The following EGFLAM variants were observed in gnomAD, a reference collection of about 807,000 sequenced individuals.
EGFLAM encodes the protein EGF like, fibronectin type III and laminin G domains.
In EGFLAM, 79 loss-of-function variants were observed where a neutral mutation model predicts 113.1. That is an observed-to-expected ratio of 0.70 (90% confidence interval 0.58 to 0.84). The LOEUF is 0.84. EGFLAM is among the 40% of genes least tolerant of loss of function. The probability of loss-of-function intolerance (pLI) is 0.00; values close to 1 mark genes in which losing one functional copy is unlikely to be tolerated. For missense variants in EGFLAM, 1,265 were observed against 1,291.6 expected (o/e 0.98, Z 0.32); for synonymous variants, 504 against 487.6 (o/e 1.03, Z -0.44).
At chr5:38,270,087 C>T (rs1444449141) in intron 1 of EGFLAM, among the ~76,000 whole-genome samples, 1 of 152,194 alleles carries the variant, frequency 6.6e-6, no homozygotes, top group Non-Finnish European at 1.5e-5. Context: ...CCATGCGTGT[C>T]ATGGGACACT....
chr5:38,448,337 G>A lies in EGFLAM; in HGVS notation c.2501G>A (p.Gly834Asp), dbSNP rs781384321. The change falls in exon 18 of 22, where the codon GGC (glycine) becomes GAC (aspartate). Residue 834 changes from glycine to aspartate, a missense_variant. Coordinates refer to ENST00000322350, the MANE Select transcript of EGFLAM (RefSeq NM_152403.4). Reference sequence around the variant, plus strand: ...GCCATTGAGATCCCGCAGTTTATCGGCCGCAGTTACCTGACGTATGACAAC... The same window carrying A: ...GCCATTGAGATCCCGCAGTTTATCGACCGCAGTTACCTGACGTATGACAAC... ...IEAIEIPQFI[G>D]RSYLTYDNPD... is the part of the protein sequence containing the mutation. 1.2e-6 allele frequency: 2 copies of A among 1,614,116 alleles called. No homozygotes were observed. The highest frequency in any genetic ancestry group is 1.7e-6 in the Non-Finnish European group (2 of 1,180,022).
intron 1 of EGFLAM, among the ~76,000 whole-genome samples, chr5:38,315,772 A>G (rs1343126724): frequency 6.6e-6 from 1 of 152,128 alleles, no homozygotes; most frequent in Non-Finnish European, 1.5e-5. Flanking sequence ...ATGAGAATAT[A>G]TGTTTAAAAT....
At chr5:38,417,347 C>CAAAAAAAAAAAAAAAAAAAAAAAAA (rs752613827) in intron 11 of EGFLAM, among the ~76,000 whole-genome samples, 1 of 78,476 alleles carries the variant, frequency 1.3e-5, no homozygotes, top group African/African-American at 5.1e-5. Context: ...GACTCTGTCT[C>CAAAAAAAAAAAAAAAAAAAAAAAAA]AAAAAAAAAA....
In EGFLAM at chr5:38,412,539, G is replaced by A; in HGVS notation, c.1385G>A (p.Ser462Asn). The change falls in exon 11 of 22, where the codon AGT (serine) becomes AAT (asparagine). Residue 462 changes from serine to asparagine, a missense_variant. Physicochemically the swap from Ser to Asn is conservative, Grantham distance 46. Transcript: ENST00000322350. The part of the protein sequence containing the change: ...NCGTGVAIIV[S>N]ETKIKLGGWH... ...GGAACTGGGGTTGCCATCATCGTAAGTGAGACCAAAATCAAACTAGGGGGT... is the reference window on the plus strand; with the variant it reads ...GGAACTGGGGTTGCCATCATCGTAAATGAGACCAAAATCAAACTAGGGGGT... 1.9e-6 allele frequency: 3 copies of A among 1,614,160 alleles called. No individual in the cohort carries two copies. Among genetic ancestry groups the A allele is most frequent in the Middle Eastern group, 1.6e-4 (1 of 6,062 alleles).
chr5:38,258,821 G>A lies in EGFLAM; in HGVS notation c.67G>A (p.Val23Met). 6.2e-7 allele frequency: 1 copy of A among 1,612,160 alleles called. No homozygotes were observed. The highest frequency in any genetic ancestry group is 1.1e-5 in the South Asian group (1 of 91,024). Residue 23 changes from valine (V) to methionine (M), a missense_variant, in exon 1 of 22, where the codon GTG becomes ATG. Physicochemically the swap from Val to Met is conservative, Grantham distance 21 (BLOSUM62 1). Coordinates refer to ENST00000322350, the MANE Select transcript of EGFLAM (RefSeq NM_152403.4). ...GGCTTCCAGCCTCGGACCCGGCGCGGTGTCGCTCCGAGCGGCCATCCGAAA... is the reference window on the plus strand; with the variant it reads ...GGCTTCCAGCCTCGGACCCGGCGCGATGTCGCTCCGAGCGGCCATCCGAAA... ...LLASSLGPGA[V>M]SLRAAIRKPG... is the part of the protein sequence containing the mutation.
chr5:38,423,913 G>T (rs1741916271), intron 12 of EGFLAM, among the ~76,000 whole-genome samples: 2 of 152,256 alleles, frequency 1.3e-5, no homozygotes, highest in South Asian at 4.2e-4. Flanking sequence ...TTCAAGGAGG[G>T]AAGGGTGAGA....
At chr5:38,374,985 A>T (rs963405323) in intron 6 of EGFLAM, among the ~76,000 whole-genome samples, 1 of 147,870 alleles carries the variant, frequency 6.8e-6, no homozygotes, top group African/African-American at 2.5e-5. Context: ...TAGATTCTGG[A>T]TATTAGTTCT....
intron 1 of EGFLAM, among the ~76,000 whole-genome samples, chr5:38,324,746 G>A (rs1244351452): frequency 2.0e-5 from 3 of 152,118 alleles, no homozygotes; most frequent in Non-Finnish European, 2.9e-5. Context: ...TCTTAGGCTC[G>A]GGGGAAGGCA....
intron 6 of EGFLAM, among the ~76,000 whole-genome samples, chr5:38,370,843 G>T (rs780246283): frequency 2.0e-5 from 3 of 152,154 alleles, no homozygotes; most frequent in African/African-American, 7.2e-5. Context: ...AGGCTTCAGC[G>T]TTCGTGTTCG....
At chr5:38,386,089 T>A (rs1740654064) in intron 6 of EGFLAM, among the ~76,000 whole-genome samples, 3 of 152,260 alleles carry the variant, frequency 2.0e-5, no homozygotes, top group South Asian at 4.1e-4. Flanking sequence ...CCTACCATTG[T>A]ACATGGGTTC....
intron 1 of EGFLAM, chr5:38,305,538 C>A: frequency 4.6e-6 from 2 of 434,860 alleles, no homozygotes; most frequent in South Asian, 3.4e-5. Context: ...ATAAGAAGTC[C>A]CCAGAATAAT....
chr5:38,426,964 G>C, intron 13 of EGFLAM, 45 bp from the exon 14 acceptor site: 1 of 1,605,316 alleles, frequency 6.2e-7, no homozygotes, highest in South Asian at 1.1e-5. Context: ...CATCTGGCCA[G>C]TTTCTGCCAC....
At chr5:38,444,813 C>T (rs367917385) in intron 17 of EGFLAM, among the ~76,000 whole-genome samples, 4 of 152,082 alleles carry the variant, frequency 2.6e-5, no homozygotes, top group Admixed American at 6.6e-5. Flanking sequence ...GGCATGATGG[C>T]ACATGCCTAT....
chr5:38,427,375 C>T, intron 14 of EGFLAM, 123 bp downstream of exon 14: 1 of 1,485,068 alleles, frequency 6.7e-7, no homozygotes, highest in East Asian at 2.3e-5. Context: ...TGCTTATCTT[C>T]TGAAACTTGT....
chr5:38,295,660 A>C (rs931587540), intron 1 of EGFLAM, among the ~76,000 whole-genome samples: 1 of 152,144 alleles, frequency 6.6e-6, no homozygotes, highest in African/African-American at 2.4e-5. Context: ...ACCCCTTTTA[A>C]CTTCCCCTAT....
chr5:38,463,059 T>C, intron 21 of EGFLAM, 48 bp downstream of exon 21: 1 of 1,566,624 alleles, frequency 6.4e-7, no homozygotes, highest in Non-Finnish European at 8.8e-7. Context: ...AGTGCTTTTC[T>C]TGTTAGTCTT....
At chr5:38,354,688 C>A (rs1739719895) in intron 5 of EGFLAM, among the ~76,000 whole-genome samples, 1 of 152,116 alleles carries the variant, frequency 6.6e-6, no homozygotes, top group African/African-American at 2.4e-5. Context: ...CGAGATTACA[C>A]CACTGCACTC....
chr5:38,306,449 G>A (rs916115069), intron 1 of EGFLAM, among the ~76,000 whole-genome samples: 2 of 152,146 alleles, frequency 1.3e-5, no homozygotes, highest in African/African-American at 2.4e-5. Flanking sequence ...TGGGCTCACA[G>A]GAAAGCTACC....
intron 1 of EGFLAM, among the ~76,000 whole-genome samples, chr5:38,298,707 AT>A (rs1438637237): frequency 1.3e-5 from 2 of 151,626 alleles, no homozygotes; most frequent in African/African-American, 2.4e-5. Flanking sequence ...TATCTTTTTT[AT>A]TTTTTTTCTT....
Sources: gnomAD v4.1 joint callset for allele counts (sites outside exome capture counted in the v4.1 genomes callset) on GRCh38, gnomAD v4.1.1 for gene constraint, MANE v1.5 for transcripts, NCBI Gene and HGNC (gene_info 2026-07-23, HGNC 2026-07-21) for gene names.